SOX5: variants seen among roughly 807,000 people sequenced by gnomAD.
The protein encoded by SOX5 is transcription factor SOX-5.
Under a neutral mutation model 92.0 loss-of-function variants are expected in SOX5, and 9 were observed. The observed-to-expected ratio is 0.10, with a 90% CI of 0.06 to 0.17. SOX5 has a LOEUF of 0.17. Ranked by LOEUF, SOX5 falls within the 10% of genes least tolerant of loss-of-function variation. The probability of loss-of-function intolerance (pLI) is 1.00; values close to 1 mark genes in which losing one functional copy is unlikely to be tolerated. For missense variants in SOX5, 642 were observed against 944.5 expected (o/e 0.68, Z 4.20); for synonymous variants, 344 against 336.3 (o/e 1.02, Z -0.25).
chr12:23,693,058 G>T (rs1012725127), intron 6 of SOX5, among the ~76,000 whole-genome samples: 4 of 151,872 alleles, frequency 2.6e-5, no homozygotes, highest in Admixed American at 2.6e-4. Context: ...CTATTTCCTT[G>T]TGCTTCCTTG....
chr12:24,338,893 C>T (rs562155621), intron 2 of SOX5, among the ~76,000 whole-genome samples: 1 of 152,142 alleles, frequency 6.6e-6, no homozygotes, highest in African/African-American at 2.4e-5. Context: ...GTCCATTAAA[C>T]CTCTTTTTCT....
intron 8 of SOX5, among the ~76,000 whole-genome samples, chr12:23,625,734 T>G (rs544240955): frequency 9.9e-5 from 15 of 152,186 alleles, no homozygotes; most frequent in Admixed American, 3.3e-4. Flanking sequence ...CTCAGCCTCC[T>G]GAGTAGCTGG....
At chr12:24,385,926 C>CAAAAAAAAAA (rs35813329) in intron 1 of SOX5, among the ~76,000 whole-genome samples, 17 of 73,376 alleles carry the variant, frequency 2.3e-4, no homozygotes, top group South Asian at 5.5e-4. Flanking sequence ...GACCTTGTCA[C>CAAAAAAAAAA]AAAAAAAAAA....
rs146773271 is a variant in SOX5 at position 24,341,436 on chromosome 12, C to T, written c.-174+27127G>A. ...GAGGCCGCAGTGAGCTGTGATCACA[C>T]CACTTCACTCCACCTGGGTGACAGA... On this transcript the variant is annotated intron_variant, in intron 2 of 4. Transcript: ENST00000446891. 6.3e-4 allele frequency among the ~76,000 whole-genome samples: 96 copies of T among 152,308 alleles called. 1 individual carries two copies. Among genetic ancestry groups the T allele is most frequent in the African/African-American group, 2.3e-3 (94 of 41,570 alleles).
At chr12:24,405,484 G>T (rs1246327105) in intron 1 of SOX5, among the ~76,000 whole-genome samples, 1 of 152,064 alleles carries the variant, frequency 6.6e-6, no homozygotes. Context: ...CTAGGAAACT[G>T]GAATGATTCC....
intron 10 of SOX5, 100 bp from the exon 11 acceptor site, chr12:23,563,503 G>T: frequency 1.1e-6 from 1 of 927,356 alleles, no homozygotes; most frequent in Non-Finnish European, 1.6e-6. Context: ...GGTAGTGTCT[G>T]GCCTATAATG....
intron 4 of SOX5, among the ~76,000 whole-genome samples, chr12:24,025,539 G>C (rs1259391352): frequency 6.6e-6 from 1 of 151,998 alleles, no homozygotes; most frequent in Non-Finnish European, 1.5e-5. Context: ...GTGACTCTCT[G>C]TCTGGCCTTT....
At chr12:23,851,786 T>A (rs2096636586) in intron 2 of SOX5, among the ~76,000 whole-genome samples, 1 of 151,956 alleles carries the variant, frequency 6.6e-6, no homozygotes, top group African/African-American at 2.4e-5. Context: ...GATAATACCT[T>A]TGTAAAACTG....
chr12:23,537,872 G>A (rs1439505588), intron 13 of SOX5, among the ~76,000 whole-genome samples: 1 of 151,964 alleles, frequency 6.6e-6, no homozygotes, highest in Non-Finnish European at 1.5e-5. Context: ...AAGGCGGTGT[G>A]TCCGGAGTTT....
rs1440426451 is a variant in SOX5 at position 23,758,893 on chromosome 12, G to T, written c.482-3169C>A. Reference sequence around the variant, plus strand: ...CACCATGGGACGATGCAGCAAGAAGGCCCTCACCAGATGCTAGCACCTTGA... The same window carrying T: ...CACCATGGGACGATGCAGCAAGAAGTCCCTCACCAGATGCTAGCACCTTGA... On this transcript the variant is annotated intron_variant, in intron 3 of 14. Transcript: ENST00000451604. 2.0e-5 allele frequency among the ~76,000 whole-genome samples: 3 copies of T among 151,918 alleles called. No individual in the cohort carries two copies. The East Asian group carries it at 5.8e-4, about 30-fold the overall frequency.
intron 4 of SOX5, among the ~76,000 whole-genome samples, chr12:24,178,789 G>T (rs1032431067): frequency 6.6e-6 from 1 of 152,148 alleles, no homozygotes; most frequent in South Asian, 2.1e-4. Flanking sequence ...TATTTCTATT[G>T]CACAGATGGA....
In SOX5 at chr12:23,790,548, T is replaced by TCTCTCACA. The variant is rs1340837266; in HGVS notation, c.482-34825_482-34824insTGTGAGAG. Among the ~76,000 whole-genome samples, 153 of 137,384 alleles carry TCTCTCACA rather than the reference T, an allele frequency of 1.1e-3. 1 individual carries two copies. The highest frequency in any genetic ancestry group is 4.0e-3 in the African/African-American group (145 of 36,006). 90.1% of individuals were successfully genotyped at this position (137,384 alleles called of 152,430 possible). Reference sequence around the variant, plus strand: ...CTCTCTCTCTCTCTCTCTCAATCTCTCACACACACACACACACACACACAC... The same window carrying TCTCTCACA: ...CTCTCTCTCTCTCTCTCTCAATCTCTCTCTCACACACACACACACACACACACACACAC... On this transcript the variant is annotated intron_variant, in intron 3 of 14. Coordinates refer to ENST00000451604, the MANE Select transcript of SOX5 (RefSeq NM_006940.6).
At chr12:23,858,109 T>C (rs779089518) in intron 2 of SOX5, among the ~76,000 whole-genome samples, 1 of 152,068 alleles carries the variant, frequency 6.6e-6, no homozygotes, top group Non-Finnish European at 1.5e-5. Flanking sequence ...GGCAGGTACA[T>C]ATATGTGCAC....
chr12:24,282,763 G>A (rs117616005), intron 2 of SOX5, among the ~76,000 whole-genome samples: 317 of 152,310 alleles, frequency 2.1e-3, no homozygotes, highest in Non-Finnish European at 3.6e-3. Flanking sequence ...GGGAGGTTAA[G>A]TTAATTAGGG....
intron 1 of SOX5, among the ~76,000 whole-genome samples, chr12:24,540,900 T>G (rs1952063060): frequency 6.6e-6 from 1 of 152,196 alleles, no homozygotes; most frequent in African/African-American, 2.4e-5. Flanking sequence ...TGTATGTGTA[T>G]TCTGAAGCTT....
At chr12:24,536,114 G>A (rs1951619395) in intron 1 of SOX5, among the ~76,000 whole-genome samples, 1 of 152,162 alleles carries the variant, frequency 6.6e-6, no homozygotes, top group African/African-American at 2.4e-5. Context: ...GAAGATAGAG[G>A]TGAGCTCCGT....
At chr12:24,415,535 T>G (rs1964876126) in intron 1 of SOX5, among the ~76,000 whole-genome samples, 1 of 152,208 alleles carries the variant, frequency 6.6e-6, no homozygotes, top group African/African-American at 2.4e-5. Context: ...TGATAAAGAA[T>G]GAATGGATAA....
chr12:23,631,515 T>C (rs2078535080), intron 8 of SOX5, among the ~76,000 whole-genome samples: 1 of 152,128 alleles, frequency 6.6e-6, no homozygotes, highest in Middle Eastern at 3.2e-3. Context: ...TTACATCTAC[T>C]GCTGGTCTTG....
chr12:23,930,877 C>T (rs1215667526), intron 1 of SOX5, among the ~76,000 whole-genome samples: 6 of 151,662 alleles, frequency 4.0e-5, no homozygotes, highest in African/African-American at 1.5e-4. Context: ...TCGGTTCTCA[C>T]CTTCTCCTCA....
Sources: gnomAD v4.1 joint callset for allele counts (sites outside exome capture counted in the v4.1 genomes callset) on GRCh38, gnomAD v4.1.1 for gene constraint, MANE v1.5 for transcripts, NCBI Gene and HGNC (gene_info 2026-07-23, HGNC 2026-07-21) for gene names.